The following DENND1B variants were observed in gnomAD, a reference collection of about 807,000 sequenced individuals.
The protein encoded by DENND1B is DENN domain-containing protein 1B.
In DENND1B, 59 loss-of-function variants were observed where a neutral mutation model predicts 90.1. That is an observed-to-expected ratio of 0.65 (90% CI 0.53 to 0.81). The LOEUF (loss-of-function observed/expected upper bound fraction) is 0.81. Ranked by LOEUF, DENND1B falls within the 40% of genes least tolerant of loss-of-function variation. The pLI, the probability that DENND1B is intolerant of heterozygous loss-of-function variation, is 0.00. For synonymous variants in DENND1B, 337 were observed against 324.6 expected, an observed-to-expected ratio of 1.04 and a Z score of -0.41; for missense variants, 862 against 912.6, an observed-to-expected ratio of 0.94 and a Z score of 0.71.
chr1:197,607,383 A>T (rs1336333488), intron 12 of DENND1B, among the ~76,000 whole-genome samples: 2 of 150,920 alleles, frequency 1.3e-5, no homozygotes, highest in African/African-American at 4.8e-5. Context: ...AAATGCTTAA[A>T]ATTGAATATT....
At chr1:197,688,388 G>A (rs1346914420) in intron 3 of DENND1B, among the ~76,000 whole-genome samples, 1 of 152,072 alleles carries the variant, frequency 6.6e-6, no homozygotes, top group Non-Finnish European at 1.5e-5. Context: ...GAAGAACAAA[G>A]GTGGAGGCTT....
At chr1:197,656,582 T>C (rs868795146) in intron 6 of DENND1B, among the ~76,000 whole-genome samples, 3 of 152,120 alleles carry the variant, frequency 2.0e-5, no homozygotes, top group East Asian at 1.9e-4. Context: ...GGAAGATCCC[T>C]TGAGGCCAAG....
chr1:197,507,559 C>T lies in DENND1B; in HGVS notation c.*2901G>A, dbSNP rs1001589613. 5 of 151,380 alleles carry T rather than the reference C, an allele frequency of 3.3e-5. No homozygotes were observed. Among genetic ancestry groups the T allele is most frequent in the African/African-American group, 7.3e-5 (3 of 41,320 alleles). The allele number at this position is 151,380 out of a possible 1,614,324, so 9.4% of individuals were successfully genotyped here. ...AGTGAGAGTGGGATTCAGAAAGAAC[C>T]ATGACTCCATTGCAGGCCAGATAAA... On this transcript the variant is annotated 3_prime_UTR_variant, in exon 23 of 23. Transcript: ENST00000620048.
chr1:197,693,334 T>C (rs1430152946), intron 3 of DENND1B, among the ~76,000 whole-genome samples: 3 of 151,790 alleles, frequency 2.0e-5, no homozygotes, highest in Middle Eastern at 3.4e-3. Context: ...AAATAATTCA[T>C]ACTTTAAATA....
chr1:197,676,897 A>G (rs1656134449), intron 3 of DENND1B, among the ~76,000 whole-genome samples: 1 of 152,104 alleles, frequency 6.6e-6, no homozygotes, highest in African/African-American at 2.4e-5. Context: ...ACTAGGGCCA[A>G]TTGCTAGTGT....
At position 197,647,109 on chromosome 1, in the gene DENND1B, T is replaced by C; in HGVS notation, c.453A>G (p.Gln151=). The C allele has an allele frequency of 6.9e-7, 1 of 1,455,916 alleles. No individual in the cohort carries two copies. Among genetic ancestry groups the C allele is most frequent in the Non-Finnish European group, 9.0e-7 (1 of 1,110,974 alleles). 90.2% of individuals were successfully genotyped at this position (1,455,916 alleles called of 1,614,324 possible). A position where few individuals can be genotyped will look rare whatever the true frequency, so the allele number is the denominator to read the frequency against. The part of the protein sequence containing the change: ...ANTPVNLSVN[Q]EIFIACEQVL... ...CTTGCTCACAGGCAATAAATATCTC[T>C]TGGTTCTTATAATACATGAGAGAAA... The change falls in exon 8 of 23, where the codon CAA becomes CAG. Residue 151 remains glutamine (Q), a synonymous_variant. Transcript: ENST00000620048.
At chr1:197,773,990 T>C (rs1656944341) in intron 1 of DENND1B, among the ~76,000 whole-genome samples, 2 of 152,216 alleles carry the variant, frequency 1.3e-5, no homozygotes, top group South Asian at 2.1e-4. Context: ...TCTTATAAGA[T>C]ATGAATCTGG....
intron 3 of DENND1B, among the ~76,000 whole-genome samples, chr1:197,705,186 GAA>G (rs1659405487): frequency 6.6e-6 from 1 of 152,096 alleles, no homozygotes; most frequent in East Asian, 1.9e-4. Flanking sequence ...AAAGGGTTAA[GAA>G]ATATACACAG....
chr1:197,628,368 G>A (rs1342735880), intron 10 of DENND1B, among the ~76,000 whole-genome samples: 3 of 152,028 alleles, frequency 2.0e-5, no homozygotes, highest in Non-Finnish European at 4.4e-5. Context: ...CAGAAATAAC[G>A]CCGCATAACT....
At chr1:197,701,786 G>A (rs1659055368) in intron 3 of DENND1B, among the ~76,000 whole-genome samples, 1 of 151,908 alleles carries the variant, frequency 6.6e-6, no homozygotes, top group African/African-American at 2.4e-5. Flanking sequence ...TAATTGCCTA[G>A]GCTATGTTCA....
intron 18 of DENND1B, among the ~76,000 whole-genome samples, chr1:197,542,253 T>G (rs1174400630): frequency 6.6e-6 from 1 of 152,198 alleles, no homozygotes; most frequent in Admixed American, 6.5e-5. Context: ...CAAGTGTGTA[T>G]GATAACTCTA....
chr1:197,538,654 GGATT>G (rs1670091880), intron 20 of DENND1B, among the ~76,000 whole-genome samples: 1 of 146,118 alleles, frequency 6.8e-6, no homozygotes, highest in Admixed American at 7.0e-5. Context: ...TGAATTAATG[GGATT>G]TTTTTTTTTT....
intron 3 of DENND1B, among the ~76,000 whole-genome samples, chr1:197,684,994 G>A (rs532769716): frequency 5.1e-4 from 77 of 151,782 alleles, no homozygotes; most frequent in African/African-American, 1.6e-3. Context: ...AGTGGGTGCC[G>A]GTAATCCCAG....
intron 16 of DENND1B, chr1:197,552,230 G>A (rs1671298121): frequency 1.0e-6 from 1 of 983,916 alleles, no homozygotes. Flanking sequence ...TATTATACCA[G>A]GCCAAAAATT....
intron 3 of DENND1B, among the ~76,000 whole-genome samples, chr1:197,707,173 G>A (rs758499516): frequency 1.8e-4 from 27 of 152,198 alleles, no homozygotes; most frequent in Non-Finnish European, 3.4e-4. Flanking sequence ...AAAGACAGAT[G>A]TCTCATGTTC....
At chr1:197,703,607 C>T (rs1380384880) in intron 3 of DENND1B, among the ~76,000 whole-genome samples, 1 of 152,028 alleles carries the variant, frequency 6.6e-6, no homozygotes, top group Non-Finnish European at 1.5e-5. Flanking sequence ...CATGAGCACA[C>T]AAGGGAATAA....
chr1:197,778,115 A>C (rs944477240), upstream of DENND1B, among the ~76,000 whole-genome samples: 2 of 152,170 alleles, frequency 1.3e-5, no homozygotes, highest in Admixed American at 1.3e-4. Flanking sequence ...TATAATTTCT[A>C]TATCTACCTA....
intron 2 of DENND1B, chr1:197,735,091 A>G (rs1293044172): frequency 1.0e-6 from 1 of 969,912 alleles, no homozygotes; most frequent in Non-Finnish European, 1.2e-6. Flanking sequence ...TAAAACAATA[A>G]TATGCAATTT....
chr1:197,564,833 T>C (rs1464819981), intron 15 of DENND1B, among the ~76,000 whole-genome samples: 1 of 151,832 alleles, frequency 6.6e-6, no homozygotes, highest in East Asian at 1.9e-4. Context: ...AGTCTTACCA[T>C]AAGAGAGCAA....
Sources: gnomAD v4.1 joint callset for allele counts (sites outside exome capture counted in the v4.1 genomes callset) on GRCh38, gnomAD v4.1.1 for gene constraint, MANE v1.5 for transcripts, NCBI Gene and HGNC (gene_info 2026-07-23, HGNC 2026-07-21) for gene names.